RGPD3: variants seen among roughly 807,000 people sequenced by gnomAD.
The protein encoded by RGPD3 is ranBP2-like and GRIP domain-containing protein 3.
Under a neutral mutation model 154.5 loss-of-function variants are expected in RGPD3, and 62 were observed. That is an observed-to-expected ratio of 0.40 (90% CI 0.33 to 0.50). The LOEUF is 0.50. Ranked by LOEUF, RGPD3 falls within the 20% of genes least tolerant of loss-of-function variation. The pLI is 0.59. For synonymous variants in RGPD3, 308 were observed against 607.0 expected (o/e 0.51, Z 7.24); for missense variants, 919 against 1,716.8 (o/e 0.54, Z 8.21).
At chr2:106,466,086 G>A (rs1678569495) in intron 1 of RGPD3, among the ~76,000 whole-genome samples, 1 of 151,700 alleles carries the variant, frequency 6.6e-6, no homozygotes, top group African/African-American at 2.4e-5. Flanking sequence ...CCAAGCCCCC[G>A]AGAACTAGGC....
intron 6 of RGPD3, among the ~76,000 whole-genome samples, chr2:106,451,832 A>G (rs1678133218): frequency 6.6e-6 from 1 of 152,022 alleles, no homozygotes; most frequent in Non-Finnish European, 1.5e-5. Flanking sequence ...ATGTGAACCT[A>G]GCCATCTGAT....
intron 6 of RGPD3, among the ~76,000 whole-genome samples, chr2:106,450,206 C>T (rs1283776349): frequency 5.6e-5 from 6 of 106,506 alleles, no homozygotes; most frequent in Admixed American, 1.0e-4. Context: ...GGTGACACTC[C>T]GTCTCTACTA....
chr2:106,467,183 GCCTCAACAGAGCGCGC>G (rs1678642351), intron 1 of RGPD3, among the ~76,000 whole-genome samples: 5 of 3,084 alleles, frequency 1.6e-3, no homozygotes, highest in South Asian at 0.042. Context: ...CGAGGCCGCC[GCCTCAACAGAGCGCGC>G]CAGGGAGCAG....
rs1427902863 is a variant in RGPD3, at chr2:106,403,855, C to A, written c.*1364G>T. On this transcript the variant is annotated 3_prime_UTR_variant, in exon 23 of 23. Coordinates refer to ENST00000409886, the MANE Select transcript of RGPD3 (RefSeq NM_001144013.2). Reference sequence around the variant, plus strand: ...AATTGGAAACCAATGTTCTGTGTAACCAAAGTGCAAAGTCAGTTCCCCAGC... The same window carrying A: ...AATTGGAAACCAATGTTCTGTGTAAACAAAGTGCAAAGTCAGTTCCCCAGC... Among the ~76,000 whole-genome samples, 1 of 152,196 alleles carries A rather than the reference C, an allele frequency of 6.6e-6. No homozygotes were observed. The highest frequency in any genetic ancestry group is 1.5e-5 in the Non-Finnish European group (1 of 68,026).
chr2:106,408,504 C>T (rs1200876680), intron 22 of RGPD3, among the ~76,000 whole-genome samples: 1 of 144,042 alleles, frequency 6.9e-6, no homozygotes, highest in Non-Finnish European at 1.5e-5. Context: ...CTCATTAACT[C>T]ACAGCCAACA....
intron 1 of RGPD3, among the ~76,000 whole-genome samples, chr2:106,461,390 G>A (rs1173973337): frequency 6.6e-6 from 1 of 152,182 alleles, no homozygotes; most frequent in Non-Finnish European, 1.5e-5. Context: ...AACTGAGATG[G>A]CTAGTATGTA....
At position 106,436,474 on chromosome 2, in the gene RGPD3, C is replaced by CA. The variant is rs1677561568; in HGVS notation, c.1573dup (p.Cys525LeufsTer35). The CA allele has an allele frequency of 6.2e-7, 1 of 1,610,412 alleles. No individual in the cohort carries two copies. Among genetic ancestry groups the CA allele is most frequent in the Non-Finnish European group, 8.5e-7 (1 of 1,178,856 alleles). ...CCACCAAGATTTTTGTCTTTCTGTA[C>CA]AAAGCTGTTTACACACAGGAAGGGG... is the stretch of plus-strand genomic sequence containing the variant. On this transcript the variant is annotated frameshift_variant, in exon 11 of 23. Coordinates refer to ENST00000409886, the MANE Select transcript of RGPD3 (RefSeq NM_001144013.2). LOFTEE classifies it high-confidence loss of function.
chr2:106,405,127 A>C lies in RGPD3; in HGVS notation c.*92T>G, dbSNP rs962793041. 24 of 1,572,250 alleles carry C rather than the reference A, an allele frequency of 1.5e-5. No individual in the cohort carries two copies. The highest frequency in any genetic ancestry group is 1.4e-4 in the Admixed American group (8 of 55,192). On this transcript the variant is annotated 3_prime_UTR_variant, in exon 23 of 23. Transcript: ENST00000409886. ...TGAACCATTTTTGTAAATAGATTTT[A>C]TTTGGTTAATAAAAACATTCCTTCC...
At position 106,403,532 on chromosome 2, in the gene RGPD3, A is replaced by G. The variant is rs1390998956; in HGVS notation, c.*1687T>C. Among the ~76,000 whole-genome samples, 1 of 152,254 alleles carries G rather than the reference A, an allele frequency of 6.6e-6. No individual in the cohort carries two copies. The highest frequency in any genetic ancestry group is 2.4e-5 in the African/African-American group (1 of 41,482). ...ATGCAAAAAAGTATTTTGTTATGAC[A>G]TTTGTAAGTGGAGACTATATTTCAA... On this transcript the variant is annotated 3_prime_UTR_variant, in exon 23 of 23. Transcript: ENST00000409886.
At chr2:106,425,346 A>G (rs2104460889) in intron 19 of RGPD3, 80 bp from the exon 20 acceptor site, 4 of 1,582,766 alleles carry the variant, frequency 2.5e-6, no homozygotes, top group East Asian at 2.2e-5. Context: ...TCATTCCTAA[A>G]CAATTTATCA....
rs1319968397 is a variant in RGPD3, at chr2:106,423,740, G to C, written c.4227C>G (p.His1409Gln). 1 of 1,611,654 alleles carries C rather than the reference G, an allele frequency of 6.2e-7. No homozygotes were observed. Among genetic ancestry groups the C allele is most frequent in the East Asian group, 2.2e-5 (1 of 44,870 alleles). Residue 1409 changes from histidine (H) to glutamine (Q), a missense_variant, in exon 20 of 23, where the codon CAC becomes CAG. Physicochemically the swap from His to Gln is conservative, Grantham distance 24. Transcript: ENST00000409886. ...GCAAACTCATGTCTGGAGTTATTCT[G>C]TGATTGGCACAAAGTTTTAATACTT... ...RDQVLKLCAN[H>Q]RITPDMSLQN...
At chr2:106,437,944 G>T (rs538257751) in intron 9 of RGPD3, among the ~76,000 whole-genome samples, 22 of 152,284 alleles carry the variant, frequency 1.4e-4, no homozygotes, top group South Asian at 4.1e-4. Context: ...AACACTTTTT[G>T]TTTCTGAGAC....
Position 106,468,396 on chromosome 2 carries a change from C to G in RGPD3, c.-108G>C, listed in dbSNP as rs1678717530. 3.3e-6 allele frequency: 5 copies of G among 1,534,994 alleles called. No individual in the cohort carries two copies. Among genetic ancestry groups the G allele is most frequent in the African/African-American group, 1.4e-5 (1 of 72,234 alleles). ...GAAAGCCACTGAGGCAGCGGCGTAG[C>G]CGGCGGAGGACCACTGTGACGAACT... is the stretch of plus-strand genomic sequence containing the variant. On this transcript the variant is annotated 5_prime_UTR_variant, in exon 1 of 23. Transcript: ENST00000409886.
At chr2:106,422,030 G>T (rs1319036813) in intron 20 of RGPD3, among the ~76,000 whole-genome samples, 1 of 151,992 alleles carries the variant, frequency 6.6e-6, no homozygotes, top group African/African-American at 2.4e-5. Context: ...CTACCCAGCT[G>T]CTAAAAACTG....
intron 21 of RGPD3, among the ~76,000 whole-genome samples, chr2:106,415,474 G>A (rs1297248392): frequency 2.0e-5 from 3 of 151,860 alleles, no homozygotes; most frequent in Non-Finnish European, 2.9e-5. Flanking sequence ...TCAGGAGATC[G>A]AGACCATCCT....
chr2:106,415,816 C>T, intron 21 of RGPD3, 34 bp downstream of exon 21: 2 of 1,611,280 alleles, frequency 1.2e-6, no homozygotes, highest in Non-Finnish European at 1.7e-6. Flanking sequence ...ACCAAACTGG[C>T]AGTTTTTATG....
intron 20 of RGPD3, among the ~76,000 whole-genome samples, chr2:106,418,513 C>T (rs373681172): frequency 1.2e-4 from 18 of 152,194 alleles, no homozygotes; most frequent in African/African-American, 3.4e-4. Context: ...ATCCAGGGCA[C>T]GGAACTAATC....
In RGPD3 at chr2:106,403,747, C is replaced by A. The variant is rs1325368554; in HGVS notation, c.*1472G>T. Among the ~76,000 whole-genome samples, 1 of 152,260 alleles carries A rather than the reference C, an allele frequency of 6.6e-6. No homozygotes were observed. The highest frequency in any genetic ancestry group is 6.5e-5 in the Admixed American group (1 of 15,286). On this transcript the variant is annotated 3_prime_UTR_variant, in exon 23 of 23. Coordinates refer to ENST00000409886, the MANE Select transcript of RGPD3 (RefSeq NM_001144013.2). The stretch of plus-strand genomic sequence containing the variant: ...CATACATTCGCTAGTTAGGTCTGTT[C>A]TTCTAAGGAGGAAAGACGAGATATA...
intron 1 of RGPD3, among the ~76,000 whole-genome samples, chr2:106,466,418 G>A (rs1273096911): frequency 7.2e-6 from 1 of 138,482 alleles, no homozygotes; most frequent in Non-Finnish European, 1.6e-5. Context: ...AGCAGCGCCC[G>A]TCGGGAGCCA....
Sources: gnomAD v4.1 joint callset for allele counts (sites outside exome capture counted in the v4.1 genomes callset) on GRCh38, gnomAD v4.1.1 for gene constraint, MANE v1.5 for transcripts, NCBI Gene and HGNC (gene_info 2026-07-23, HGNC 2026-07-21) for gene names.